TRPC4: variants seen among roughly 807,000 people sequenced by gnomAD.
TRPC4 encodes short transient receptor potential channel 4.
A neutral mutation model predicts 99.4 loss-of-function variants in TRPC4; 49 were observed. The observed-to-expected ratio is 0.49, with a 90% CI of 0.39 to 0.63. TRPC4 has a LOEUF of 0.63. TRPC4 is among the 20% of genes least tolerant of loss of function. The pLI is 0.00. For synonymous variants in TRPC4, 454 were observed against 425.9 expected, an observed-to-expected ratio of 1.07 and a Z score of -0.81; for missense variants, 898 against 1,152.9, an observed-to-expected ratio of 0.78 and a Z score of 3.20.
intron 6 of TRPC4, among the ~76,000 whole-genome samples, chr13:37,658,845 A>G (rs1952332422): frequency 6.6e-6 from 1 of 152,302 alleles, no homozygotes; most frequent in East Asian, 1.9e-4. Flanking sequence ...GAAGATGCAT[A>G]GAAGACATGG....
At chr13:37,788,285 CTTAA>C (rs1392874932) in intron 1 of TRPC4, among the ~76,000 whole-genome samples, 5 of 152,244 alleles carry the variant, frequency 3.3e-5, no homozygotes, top group African/African-American at 4.8e-5. Context: ...CACAAATCTA[CTTAA>C]TTCTCATTGT....
chr13:37,637,120 C>T lies in TRPC4; in HGVS notation c.2717G>A (p.Cys906Tyr). Residue 906 changes from cysteine to tyrosine, a missense_variant, in exon 11 of 11, where the codon TGT (cysteine) becomes TAT (tyrosine). Physicochemically the swap from Cys to Tyr is radical, Grantham distance 194 (BLOSUM62 -2). This residue lies in a region of TRPC4 where 346 missense variants were observed against 351.4 expected (regional missense o/e 0.98). Coordinates refer to ENST00000379705, the MANE Select transcript of TRPC4 (RefSeq NM_016179.4). ...CCTTTCTCTATGGTCTACTAACACA[C>T]ATTGTTCACTGAGACCGGGAATGCT... ...DLSIPGLSEQ[C>Y]VLVDHRERNT... 1 of 1,613,840 alleles carries T rather than the reference C, an allele frequency of 6.2e-7. No individual in the cohort carries two copies.
chr13:37,789,795 T>C (rs182214149), intron 1 of TRPC4, among the ~76,000 whole-genome samples: 59 of 152,230 alleles, frequency 3.9e-4, no homozygotes, highest in Admixed American at 7.2e-4. Flanking sequence ...GGCTAGCTCA[T>C]GGCTCAGAAA....
intron 3 of TRPC4, among the ~76,000 whole-genome samples, chr13:37,698,741 C>T (rs1167080695): frequency 6.6e-6 from 1 of 152,010 alleles, no homozygotes; most frequent in Non-Finnish European, 1.5e-5. Flanking sequence ...GTGGAAAAGC[C>T]GAACACAGTG....
intron 1 of TRPC4, among the ~76,000 whole-genome samples, chr13:37,799,511 T>G (rs1047990053): frequency 6.6e-6 from 1 of 152,140 alleles, no homozygotes; most frequent in African/African-American, 2.4e-5. Context: ...ACCTTTGTGG[T>G]TTGGGCAGAA....
Position 37,818,932 on chromosome 13 carries a change from C to T in TRPC4, c.-27-35572G>A, listed in dbSNP as rs7984439. Among the ~76,000 whole-genome samples the T allele has an allele frequency of 5.1e-3, 780 of 151,692 alleles. 6 individuals are homozygous for T. The highest frequency in any genetic ancestry group is 0.018 in the African/African-American group (754 of 41,342). On this transcript the variant is annotated intron_variant, in intron 1 of 10. Transcript: ENST00000379705. The stretch of plus-strand genomic sequence containing the variant: ...AACCTGCACGTTCTGCATATATATC[C>T]CAAAACTTAAAGTACAATTAAAAAA...
chr13:37,855,628 T>G, intron 1 of TRPC4, among the ~76,000 whole-genome samples: 1 of 147,602 alleles, frequency 6.8e-6, no homozygotes, highest in East Asian at 1.9e-4. Flanking sequence ...GGCCATAAGT[T>G]AAGTCACAAA....
At chr13:37,862,560 G>C (rs1959434419) in intron 1 of TRPC4, among the ~76,000 whole-genome samples, 1 of 151,428 alleles carries the variant, frequency 6.6e-6, no homozygotes, top group South Asian at 2.1e-4. Flanking sequence ...TCTTTTAAAT[G>C]TCAAGTATAG....
At chr13:37,712,592 T>C (rs1052189833) in intron 3 of TRPC4, among the ~76,000 whole-genome samples, 1 of 152,196 alleles carries the variant, frequency 6.6e-6, no homozygotes, top group Non-Finnish European at 1.5e-5. Flanking sequence ...TATTTTTGAA[T>C]AGGAAATCAG....
At chr13:37,687,924 C>T (rs574073377) in intron 4 of TRPC4, among the ~76,000 whole-genome samples, 1 of 152,264 alleles carries the variant, frequency 6.6e-6, no homozygotes, top group Non-Finnish European at 1.5e-5. Flanking sequence ...TATTGGTGTC[C>T]ATCTGTCTGG....
intron 10 of TRPC4, among the ~76,000 whole-genome samples, chr13:37,638,815 C>T (rs1951616750): frequency 6.6e-6 from 1 of 152,126 alleles, no homozygotes; most frequent in Admixed American, 6.6e-5. Context: ...CCATTAAGCA[C>T]TAGGCTTTTC....
chr13:37,849,839 C>T, intron 1 of TRPC4, among the ~76,000 whole-genome samples: 1 of 152,160 alleles, frequency 6.6e-6, no homozygotes, highest in Non-Finnish European at 1.5e-5. Context: ...CTCATTCACT[C>T]CTGCATCATC....
At chr13:37,695,228 G>T (rs1424038346) in intron 3 of TRPC4, among the ~76,000 whole-genome samples, 6 of 149,890 alleles carry the variant, frequency 4.0e-5, no homozygotes, top group African/African-American at 1.5e-4. Context: ...TCCTCTCCCT[G>T]TGTCTTTTTC....
intron 3 of TRPC4, among the ~76,000 whole-genome samples, chr13:37,704,744 T>G (rs1383246460): frequency 6.6e-6 from 1 of 152,178 alleles, no homozygotes; most frequent in East Asian, 1.9e-4. Flanking sequence ...GCCAATATTA[T>G]CAAGTCAGCC....
At chr13:37,720,217 AGTT>A (rs1399568963) in intron 3 of TRPC4, among the ~76,000 whole-genome samples, 1 of 152,206 alleles carries the variant, frequency 6.6e-6, no homozygotes, top group Non-Finnish European at 1.5e-5. Flanking sequence ...AAAATAATAA[AGTT>A]GTGTTGCTTT....
intron 4 of TRPC4, among the ~76,000 whole-genome samples, chr13:37,681,916 A>C (rs547495277): frequency 2.6e-5 from 4 of 152,184 alleles, no homozygotes; most frequent in Non-Finnish European, 5.9e-5. Flanking sequence ...TTTTAAAAAT[A>C]TTTGTAGATG....
Position 37,731,871 on chromosome 13 carries a change from A to G in TRPC4, c.897+14066T>C, listed in dbSNP as rs538543493. Among the ~76,000 whole-genome samples, 3 of 152,196 alleles carry G rather than the reference A, an allele frequency of 2.0e-5. 1 individual carries two copies. The East Asian group carries it at 5.8e-4, about 29-fold the overall frequency. ...GCTACTATTTCTTTTTTCTTTCCCC[A>G]TATAGCATTTACCTTCATTGTATGC... On this transcript the variant is annotated intron_variant, in intron 3 of 10. Transcript: ENST00000379705.
chr13:37,640,072 C>T (rs1048926175), intron 8 of TRPC4, among the ~76,000 whole-genome samples: 1 of 151,688 alleles, frequency 6.6e-6, no homozygotes, highest in African/African-American at 2.4e-5. Flanking sequence ...CTCAAGTATT[C>T]TAAAGATATT....
At chr13:37,769,731 A>C (rs1404988563) in intron 2 of TRPC4, among the ~76,000 whole-genome samples, 1 of 151,532 alleles carries the variant, frequency 6.6e-6, no homozygotes, top group Non-Finnish European at 1.5e-5. Context: ...ACCAGAATGC[A>C]ACAAGTTTGT....
Sources: gnomAD v4.1 joint callset for allele counts (sites outside exome capture counted in the v4.1 genomes callset) on GRCh38, gnomAD v4.1.1 for gene constraint, gnomAD v4.1.1 regional missense constraint, MANE v1.5 for transcripts, NCBI Gene and HGNC (gene_info 2026-07-23, HGNC 2026-07-21) for gene names.